Variants in KLHL1 observed in about 807,000 individuals in gnomAD.
KLHL1 encodes the protein kelch like family member 1.
In KLHL1, 47 loss-of-function variants were observed where a neutral mutation model predicts 77.7. The observed-to-expected ratio is 0.60, with a 90% CI of 0.48 to 0.77. The LOEUF (loss-of-function observed/expected upper bound fraction) is 0.77. KLHL1 is among the 30% of genes least tolerant of loss of function. The pLI is 0.00. For synonymous variants in KLHL1, 360 were observed against 325.2 expected, an observed-to-expected ratio of 1.11 and a Z score of -1.15; for missense variants, 925 against 910.8, an observed-to-expected ratio of 1.02 and a Z score of -0.20.
chr13:70,106,640 C>G (rs1888063156), intron 1 of KLHL1, among the ~76,000 whole-genome samples: 1 of 152,042 alleles, frequency 6.6e-6, no homozygotes, highest in Non-Finnish European at 1.5e-5. Context: ...AGTAAAAGGA[C>G]CAGAAGAGAA....
At chr13:69,796,014 C>A (rs1877088187) in intron 7 of KLHL1, among the ~76,000 whole-genome samples, 1 of 152,180 alleles carries the variant, frequency 6.6e-6, no homozygotes, top group Non-Finnish European at 1.5e-5. Flanking sequence ...GGTTGCACTA[C>A]TTCGGCCTTT....
intron 6 of KLHL1, among the ~76,000 whole-genome samples, chr13:69,830,580 T>A (rs1878724025): frequency 1.3e-5 from 2 of 150,108 alleles, no homozygotes; most frequent in Admixed American, 1.3e-4. Context: ...ACTTAAACTA[T>A]ACCCTGGAAC....
chr13:69,874,317 G>A (rs1880687558), intron 5 of KLHL1, among the ~76,000 whole-genome samples: 1 of 151,800 alleles, frequency 6.6e-6, no homozygotes, highest in South Asian at 2.1e-4. Flanking sequence ...TCACTATTTT[G>A]GTGATATCAT....
chr13:69,916,329 T>C (rs1882434668), intron 4 of KLHL1, among the ~76,000 whole-genome samples: 2 of 152,156 alleles, frequency 1.3e-5, no homozygotes, highest in South Asian at 4.1e-4. Context: ...AGCAAAGACT[T>C]GGAACCAACC....
intron 3 of KLHL1, among the ~76,000 whole-genome samples, chr13:69,957,484 T>G (rs901730097): frequency 6.6e-6 from 1 of 151,754 alleles, no homozygotes; most frequent in Non-Finnish European, 1.5e-5. Flanking sequence ...TTCCTTGATT[T>G]ACAACGAGGA....
intron 1 of KLHL1, among the ~76,000 whole-genome samples, chr13:70,081,721 C>A (rs1887396884): frequency 6.6e-6 from 1 of 152,062 alleles, no homozygotes; most frequent in African/African-American, 2.4e-5. Flanking sequence ...TGGCAGTGTC[C>A]AACAAATACC....
intron 7 of KLHL1, among the ~76,000 whole-genome samples, chr13:69,788,517 C>G (rs2138021307): frequency 6.6e-6 from 1 of 151,786 alleles, no homozygotes; most frequent in South Asian, 2.1e-4. Context: ...GTTGTGGGGT[C>G]AGGGGAGGTG....
chr13:69,805,234 A>T (rs965063211), intron 6 of KLHL1, among the ~76,000 whole-genome samples: 2 of 151,934 alleles, frequency 1.3e-5, no homozygotes, highest in South Asian at 4.1e-4. Flanking sequence ...AAATATTAAT[A>T]GAGTGATATG....
chr13:69,968,180 G>A lies in KLHL1; in HGVS notation c.681-6736C>T, dbSNP rs557420143. The stretch of plus-strand genomic sequence containing the variant: ...AACAGCGAGTTAAGACCCATCACTA[G>A]CAAAAAGATTAACACTCCCAGAAGG... On this transcript the variant is annotated intron_variant, in intron 2 of 10. Transcript: ENST00000377844. Among the ~76,000 whole-genome samples the A allele has an allele frequency of 1.1e-4, 16 of 151,910 alleles. No individual in the cohort carries two copies. The East Asian group carries it at 2.7e-3, about 26-fold the overall frequency.
rs993877697 is a variant in KLHL1 at position 70,107,802 on chromosome 13, T to G, written c.-103A>C. The G allele has an allele frequency of 1.6e-5, 13 of 836,836 alleles. No individual in the cohort carries two copies. The highest frequency in any genetic ancestry group is 2.0e-5 in the Non-Finnish European group (11 of 555,736). The allele number at this position is 836,836 out of a possible 1,614,324, so 51.8% of individuals were successfully genotyped here. A position where few individuals can be genotyped will look rare whatever the true frequency, so the allele number is the denominator to read the frequency against. On this transcript the variant is annotated 5_prime_UTR_variant, in exon 1 of 11. Transcript: ENST00000377844. ...CCCGGGGGCGGAGGAAGAGGCGGGA[T>G]GCGCCCTCTGCACCCCTAGAGCCAG...
intron 2 of KLHL1, among the ~76,000 whole-genome samples, chr13:69,969,937 C>CT (rs869042647): frequency 5.4e-4 from 1 of 1,836 alleles, no homozygotes; most frequent in East Asian, 0.033. Context: ...ATCGATTAAA[C>CT]TTTTTAAGTT....
At chr13:69,777,308 T>C (rs1875881453) in intron 7 of KLHL1, among the ~76,000 whole-genome samples, 1 of 152,188 alleles carries the variant, frequency 6.6e-6, no homozygotes, top group African/African-American at 2.4e-5. Flanking sequence ...AATAGACTAA[T>C]ACAGCTCTAT....
At chr13:69,868,847 A>G (rs1041320973) in intron 5 of KLHL1, among the ~76,000 whole-genome samples, 3 of 152,124 alleles carry the variant, frequency 2.0e-5, no homozygotes, top group East Asian at 1.9e-4. Flanking sequence ...AATACAGTCT[A>G]CTTTAATTCT....
intron 1 of KLHL1, among the ~76,000 whole-genome samples, chr13:70,052,107 C>A (rs1238168815): frequency 2.0e-5 from 3 of 151,864 alleles, no homozygotes; most frequent in Admixed American, 6.6e-5. Flanking sequence ...AAGTTCAATC[C>A]AGTTCCAATC....
chr13:70,016,535 C>T (rs1885662212), intron 1 of KLHL1, among the ~76,000 whole-genome samples: 1 of 152,212 alleles, frequency 6.6e-6, no homozygotes, highest in Non-Finnish European at 1.5e-5. Context: ...TGTCACAACC[C>T]TGCCAGGTGT....
Position 69,734,979 on chromosome 13 carries a change from C to T in KLHL1, c.1802+5415G>A, listed in dbSNP as rs1186097967. Among the ~76,000 whole-genome samples, 4 of 151,948 alleles carry T rather than the reference C, an allele frequency of 2.6e-5. No individual in the cohort carries two copies. The East Asian group carries it at 7.7e-4, about 29-fold the overall frequency. ...ATCATAATGAAGAATGTTGTGAAAT[C>T]ATTTATAAGCAACTTTGATGCAAAG... On this transcript the variant is annotated intron_variant, in intron 8 of 10. Coordinates refer to ENST00000377844, the MANE Select transcript of KLHL1 (RefSeq NM_020866.3).
chr13:70,076,045 G>T (rs1467926039), intron 1 of KLHL1, among the ~76,000 whole-genome samples: 1 of 151,650 alleles, frequency 6.6e-6, no homozygotes, highest in East Asian at 1.9e-4. Flanking sequence ...ATAATGTTAA[G>T]ATGCGAGTTC....
intron 6 of KLHL1, among the ~76,000 whole-genome samples, chr13:69,834,479 A>T (rs1420123733): frequency 2.6e-5 from 4 of 152,014 alleles, no homozygotes; most frequent in Non-Finnish European, 5.9e-5. Context: ...TCTTCAAAAT[A>T]TTACAAAGGT....
chr13:70,012,498 G>T (rs1020532812), intron 1 of KLHL1, among the ~76,000 whole-genome samples: 51 of 152,158 alleles, frequency 3.4e-4, no homozygotes, highest in African/African-American at 1.2e-3. Flanking sequence ...CGCCATTTAA[G>T]GGGGCTTGTT....
Sources: gnomAD v4.1 joint callset for allele counts (sites outside exome capture counted in the v4.1 genomes callset) on GRCh38, gnomAD v4.1.1 for gene constraint, MANE v1.5 for transcripts, NCBI Gene and HGNC (gene_info 2026-07-23, HGNC 2026-07-21) for gene names.